Variants in PRKN observed in about 807,000 individuals in gnomAD.
PRKN encodes the protein parkin RBR E3 ubiquitin protein ligase.
PRKN carries 56 observed loss-of-function variants against 59.5 expected under a neutral mutation model. That is an observed-to-expected ratio of 0.94 (90% CI 0.76 to 1.18). The LOEUF is 1.18. Ranked by LOEUF, PRKN falls within the 50% of genes most tolerant of loss-of-function variation. The pLI is 0.00. For missense variants in PRKN, 657 were observed against 596.4 expected, an observed-to-expected ratio of 1.10 and a Z score of -1.06; for synonymous variants, 250 against 222.1, an observed-to-expected ratio of 1.13 and a Z score of -1.12.
chr6:162,324,981 T>C (rs1189248659), intron 2 of PRKN, among the ~76,000 whole-genome samples: 2 of 152,058 alleles, frequency 1.3e-5, no homozygotes, highest in Non-Finnish European at 2.9e-5. Flanking sequence ...CACTGGGTGA[T>C]TTCCCAGTAA....
At chr6:162,656,405 G>A (rs1050340402) in intron 1 of PRKN, among the ~76,000 whole-genome samples, 1 of 152,162 alleles carries the variant, frequency 6.6e-6, no homozygotes, top group Admixed American at 6.5e-5. Flanking sequence ...TATGATCTGT[G>A]ATCTCATCTT....
At chr6:162,492,295 T>C (rs544810458) in intron 1 of PRKN, among the ~76,000 whole-genome samples, 1 of 152,332 alleles carries the variant, frequency 6.6e-6, no homozygotes, top group South Asian at 2.1e-4. Context: ...CCTCACCCCT[T>C]GGCTCATCCA....
intron 7 of PRKN, among the ~76,000 whole-genome samples, chr6:161,777,849 T>C (rs1790016807): frequency 6.9e-6 from 1 of 145,644 alleles, no homozygotes; most frequent in African/African-American, 2.5e-5. Context: ...TATATATGTA[T>C]ATATGTGTAT....
intron 4 of PRKN, among the ~76,000 whole-genome samples, chr6:162,174,465 T>C (rs966756023): frequency 1.3e-5 from 2 of 152,164 alleles, no homozygotes; most frequent in African/African-American, 4.8e-5. Context: ...TATTGAAACG[T>C]TTGATTTCAC....
intron 6 of PRKN, among the ~76,000 whole-genome samples, chr6:161,965,512 G>A (rs1395339917): frequency 2.6e-5 from 4 of 151,966 alleles, no homozygotes; most frequent in Non-Finnish European, 4.4e-5. Context: ...GCCTTCTATC[G>A]ATGAAAAGAG....
chr6:161,416,398 A>G (rs1476437563), intron 9 of PRKN, among the ~76,000 whole-genome samples: 1 of 152,004 alleles, frequency 6.6e-6, no homozygotes, highest in African/African-American at 2.4e-5. Flanking sequence ...TTGAGCACTG[A>G]CGCCTCCCAG....
At chr6:162,141,151 T>C (rs1221103723) in intron 4 of PRKN, among the ~76,000 whole-genome samples, 1 of 145,372 alleles carries the variant, frequency 6.9e-6, no homozygotes, top group Non-Finnish European at 1.5e-5. Flanking sequence ...AATAAATAAA[T>C]AAAAATAAAA....
chr6:162,539,915 G>A (rs538125905), intron 1 of PRKN, among the ~76,000 whole-genome samples: 7 of 152,156 alleles, frequency 4.6e-5, no homozygotes, highest in East Asian at 1.9e-4. Flanking sequence ...AAATTGTTGC[G>A]AATTTATTTT....
chr6:162,441,734 TAAG>T (rs1164080697), intron 2 of PRKN, among the ~76,000 whole-genome samples: 5 of 152,188 alleles, frequency 3.3e-5, no homozygotes, highest in Non-Finnish European at 5.9e-5. Flanking sequence ...TGGAAGTGCT[TAAG>T]AAGTGTTTGT....
rs112584691 is a variant in PRKN at position 161,944,652 on chromosome 6, C to T, written c.734+28650G>A. Reference sequence around the variant, plus strand: ...CCAAGCACAGTGTCTGCTAAGAAGGCGATCCCTGAGACTTTTATTTTATTA... The same window carrying T: ...CCAAGCACAGTGTCTGCTAAGAAGGTGATCCCTGAGACTTTTATTTTATTA... On this transcript the variant is annotated intron_variant, in intron 6 of 11. Transcript: ENST00000366898. Among the ~76,000 whole-genome samples the T allele has an allele frequency of 1.2e-3, 186 of 152,238 alleles. 1 individual carries two copies. Among genetic ancestry groups the T allele is most frequent in the Middle Eastern group, 6.8e-3 (2 of 294 alleles).
Position 162,401,348 on chromosome 6 carries a change from T to A in PRKN, c.171+41962A>T, listed in dbSNP as rs530586020. Among the ~76,000 whole-genome samples, 3 of 152,092 alleles carry A rather than the reference T, an allele frequency of 2.0e-5. No homozygotes were observed. The East Asian group carries it at 5.8e-4, about 29-fold the overall frequency. ...CTCCTTGACTTACAATAGGTTTATATCACCATAAATTCATTGTAAGTTGAA... is the reference window on the plus strand; with the variant it reads ...CTCCTTGACTTACAATAGGTTTATAACACCATAAATTCATTGTAAGTTGAA... On this transcript the variant is annotated intron_variant, in intron 2 of 11. Coordinates refer to ENST00000366898, the MANE Select transcript of PRKN (RefSeq NM_004562.3).
intron 6 of PRKN, among the ~76,000 whole-genome samples, chr6:161,801,098 C>T (rs754031876): frequency 1.3e-5 from 2 of 152,106 alleles, no homozygotes; most frequent in Admixed American, 6.5e-5. Flanking sequence ...CGGGAGGAAA[C>T]GGAGGCCTAG....
At chr6:162,510,894 C>T (rs896211973) in intron 1 of PRKN, among the ~76,000 whole-genome samples, 1 of 151,920 alleles carries the variant, frequency 6.6e-6, no homozygotes, top group Non-Finnish European at 1.5e-5. Context: ...CTGCACTCCA[C>T]CCTGGGCAAT....
intron 7 of PRKN, among the ~76,000 whole-genome samples, chr6:161,676,236 C>A (rs1422870021): frequency 3.3e-5 from 5 of 152,222 alleles, no homozygotes; most frequent in Admixed American, 6.5e-5. Context: ...TGCTATCTAA[C>A]AATGTCTCTC....
intron 9 of PRKN, among the ~76,000 whole-genome samples, chr6:161,464,381 C>A (rs1425384886): frequency 1.3e-5 from 2 of 152,202 alleles, no homozygotes; most frequent in African/African-American, 4.8e-5. Flanking sequence ...ATGGAAGTCA[C>A]ATTTCATTCC....
chr6:161,431,667 C>G (rs1396843265), intron 9 of PRKN, among the ~76,000 whole-genome samples: 3 of 151,366 alleles, frequency 2.0e-5, no homozygotes, highest in Non-Finnish European at 4.4e-5. Flanking sequence ...GGCTGGAGTG[C>G]AATGGCGCGA....
In PRKN at chr6:161,396,206, C is replaced by T. The variant is rs1786752386; in HGVS notation, c.1084-9329G>A. 6.6e-6 allele frequency among the ~76,000 whole-genome samples: 1 copy of T among 152,172 alleles called. No individual in the cohort carries two copies. The highest frequency in any genetic ancestry group is 2.4e-5 in the African/African-American group (1 of 41,424). On this transcript the variant is annotated intron_variant, in intron 9 of 11. Transcript: ENST00000366898. The surrounding 1 kb of genome is among the most constrained non-coding windows in gnomAD (Gnocchi z 5.4). ...TCCTATGGGGACAGTCCTTATCTTC[C>T]AAGGTCCCCAGCTCTGGCATTTGTG...
chr6:162,727,570 AC>A (rs2128243031), intron 1 of PRKN, 91 bp downstream of exon 1: 1 of 1,353,520 alleles, frequency 7.4e-7, no homozygotes, highest in South Asian at 1.2e-5. Flanking sequence ...GACAGTTGGC[AC>A]CGGGGGTCCT....
rs1253362223 is a variant in PRKN, at chr6:162,384,619, T to C, written c.171+58691A>G. ...TGGTGCTGCTAATAGACTTGCTTGA[T>C]ACAGGGTTGCCACAAAGCTTCAATT... On this transcript the variant is annotated intron_variant, in intron 2 of 11. Coordinates refer to ENST00000366898, the MANE Select transcript of PRKN (RefSeq NM_004562.3). 3.9e-5 allele frequency among the ~76,000 whole-genome samples: 5 copies of C among 127,310 alleles called. 1 individual carries two copies. The highest frequency in any genetic ancestry group is 3.7e-4 in the Admixed American group (4 of 10,724). The allele number at this position is 127,310 out of a possible 152,430, so 83.5% of individuals were successfully genotyped here.
Sources: gnomAD v4.1 joint callset for allele counts (sites outside exome capture counted in the v4.1 genomes callset) on GRCh38, gnomAD v4.1.1 for gene constraint, Gnocchi (gnomAD v3.1) non-coding constraint, MANE v1.5 for transcripts, NCBI Gene and HGNC (gene_info 2026-07-23, HGNC 2026-07-21) for gene names.